NBAS: variants seen among roughly 807,000 people sequenced by gnomAD.
The protein encoded by NBAS is NBAS subunit of NRZ tethering complex.
In NBAS, 219 loss-of-function variants were observed where a neutral mutation model predicts 302.5. The ratio of observed to expected loss-of-function variants is 0.72; its 90% CI spans 0.65 to 0.81. The LOEUF (loss-of-function observed/expected upper bound fraction) is 0.81. Among genes scored for constraint, NBAS ranks in the 30% least tolerant of loss-of-function variants. The probability of loss-of-function intolerance (pLI) is 0.00; values close to 1 mark genes in which losing one functional copy is unlikely to be tolerated. For synonymous variants in NBAS, 1,118 were observed against 1,021.6 expected, an observed-to-expected ratio of 1.09 and a Z score of -1.80; for missense variants, 2,932 against 2,841.6, an observed-to-expected ratio of 1.03 and a Z score of -0.72.
At chr2:15,553,511 A>G (rs1312664946) in intron 4 of NBAS, 38 bp from the exon 5 acceptor site, 1 of 1,535,824 alleles carries the variant, frequency 6.5e-7, no homozygotes, top group Admixed American at 1.7e-5. Context: ...AAAATCTATT[A>G]TGAATATCTA....
chr2:14,790,234 C>T, the NBAS span, among the ~76,000 whole-genome samples: 1 of 152,154 alleles, frequency 6.6e-6, no homozygotes, highest in Non-Finnish European at 1.5e-5. Context: ...TTAGACAAAT[C>T]ATTACTTTAA....
At chr2:15,171,829 CA>C (rs1664308317) in intron 51 of NBAS, among the ~76,000 whole-genome samples, 1 of 152,180 alleles carries the variant, frequency 6.6e-6, no homozygotes. Flanking sequence ...GCACACAAAG[CA>C]AGGGTCAGCC....
chr2:15,311,900 T>C (rs1227451677), intron 38 of NBAS, among the ~76,000 whole-genome samples: 1 of 152,154 alleles, frequency 6.6e-6, no homozygotes, highest in East Asian at 1.9e-4. Context: ...CAGTCCCCTT[T>C]CTTTTCACTG....
chr2:15,039,516 C>T, the NBAS span, among the ~76,000 whole-genome samples: 2 of 152,172 alleles, frequency 1.3e-5, no homozygotes, highest in African/African-American at 4.8e-5. Flanking sequence ...AAATCCTATC[C>T]CAGGAGCCAA....
intron 42 of NBAS, among the ~76,000 whole-genome samples, chr2:15,277,577 G>T (rs1337204615): frequency 6.6e-6 from 1 of 152,150 alleles, no homozygotes; most frequent in Non-Finnish European, 1.5e-5. Context: ...ACATGCAAGA[G>T]TCTTGAATTA....
intron 15 of NBAS, among the ~76,000 whole-genome samples, chr2:15,473,727 G>A (rs777614853): frequency 3.9e-5 from 6 of 152,152 alleles, no homozygotes; most frequent in Admixed American, 2.6e-4. Context: ...GGACTAGAAA[G>A]CAAGTCTGAA....
the NBAS span, among the ~76,000 whole-genome samples, chr2:14,964,166 A>AT: frequency 6.6e-6 from 1 of 152,252 alleles, no homozygotes; most frequent in Non-Finnish European, 1.5e-5. Context: ...CATGCAAAGC[A>AT]GCAGAAAAAT....
the NBAS span, among the ~76,000 whole-genome samples, chr2:14,832,763 C>T: frequency 3.3e-5 from 5 of 152,220 alleles, no homozygotes; most frequent in African/African-American, 7.2e-5. Flanking sequence ...TAGGGTTTCT[C>T]GACCTTGGCA....
the NBAS span, among the ~76,000 whole-genome samples, chr2:14,865,015 G>T: frequency 6.6e-6 from 1 of 152,084 alleles, no homozygotes; most frequent in South Asian, 2.1e-4. Flanking sequence ...CTCAGCTTTT[G>T]TCTTTATTAT....
chr2:14,994,267 C>T, the NBAS span, among the ~76,000 whole-genome samples: 1 of 152,100 alleles, frequency 6.6e-6, no homozygotes, highest in African/African-American at 2.4e-5. Flanking sequence ...TTCAGATGTA[C>T]CTTGAAAGAA....
the NBAS span, among the ~76,000 whole-genome samples, chr2:14,809,032 A>G: frequency 6.6e-6 from 1 of 152,204 alleles, no homozygotes; most frequent in South Asian, 2.1e-4. Context: ...AGTATCTAGC[A>G]GAAGGAATTT....
the NBAS span, among the ~76,000 whole-genome samples, chr2:14,846,020 A>C: frequency 6.6e-6 from 1 of 152,206 alleles, no homozygotes; most frequent in Non-Finnish European, 1.5e-5. Context: ...AATGTCCCAA[A>C]CCTAGAGAAA....
At chr2:15,116,684 G>A in the NBAS span, among the ~76,000 whole-genome samples, 2 of 152,140 alleles carry the variant, frequency 1.3e-5, no homozygotes, top group South Asian at 2.1e-4. Context: ...AGCACTGTAC[G>A]GTTTTCAAAG....
intron 48 of NBAS, among the ~76,000 whole-genome samples, chr2:15,207,158 T>A (rs896534811): frequency 2.6e-5 from 4 of 152,170 alleles, no homozygotes; most frequent in African/African-American, 7.2e-5. Flanking sequence ...GGAGCCTACA[T>A]CTTGCATGAC....
the NBAS span, among the ~76,000 whole-genome samples, chr2:14,839,912 G>A: frequency 6.6e-6 from 1 of 151,854 alleles, no homozygotes; most frequent in Non-Finnish European, 1.5e-5. Context: ...GCAGAACCAT[G>A]ACTTCCACCA....
chr2:15,101,828 G>T, the NBAS span, among the ~76,000 whole-genome samples: 35 of 152,320 alleles, frequency 2.3e-4, no homozygotes, highest in African/African-American at 8.2e-4. Flanking sequence ...GCAGAATTAG[G>T]TTCAAGAAGA....
the NBAS span, among the ~76,000 whole-genome samples, chr2:15,057,010 A>G: frequency 4.0e-5 from 6 of 151,790 alleles, no homozygotes; most frequent in East Asian, 1.2e-3. Flanking sequence ...TTATATTTTT[A>G]GTAGAGATGG....
At chr2:14,805,163 G>C in the NBAS span, among the ~76,000 whole-genome samples, 9 of 152,292 alleles carry the variant, frequency 5.9e-5, no homozygotes, top group African/African-American at 1.9e-4. Context: ...CAATGTGACA[G>C]GTGCTAGCAG....
At chr2:15,370,316 C>T (rs932677307) in intron 31 of NBAS, among the ~76,000 whole-genome samples, 1 of 152,136 alleles carries the variant, frequency 6.6e-6, no homozygotes, top group Non-Finnish European at 1.5e-5. Context: ...TAATTTGAGA[C>T]AGGGTCTCGC....
Sources: gnomAD v4.1 joint callset for allele counts (sites outside exome capture counted in the v4.1 genomes callset) on GRCh38, gnomAD v4.1.1 for gene constraint, MANE v1.5 for transcripts, NCBI Gene and HGNC (gene_info 2026-07-23, HGNC 2026-07-21) for gene names.